Variants in TRAF3IP1 observed in about 807,000 individuals in gnomAD.
TRAF3IP1 encodes the protein TRAF3-interacting protein 1.
A neutral mutation model predicts 89.9 loss-of-function variants in TRAF3IP1; 53 were observed. The observed-to-expected ratio is 0.59, with a 90% CI of 0.47 to 0.74. The LOEUF (loss-of-function observed/expected upper bound fraction) is 0.74. TRAF3IP1 is among the 30% of genes least tolerant of loss of function. The probability of loss-of-function intolerance (pLI) is 0.00; values close to 1 mark genes in which losing one functional copy is unlikely to be tolerated. For missense variants in TRAF3IP1, 806 were observed against 866.1 expected (o/e 0.93, Z 0.87); for synonymous variants, 311 against 322.1 (o/e 0.97, Z 0.37).
Position 238,389,429 on chromosome 2 carries a change from A to T in TRAF3IP1, c.1690-8030A>T, listed in dbSNP as rs1700907019. On this transcript the variant is annotated intron_variant, in intron 15 of 16. Transcript: ENST00000373327. ...TCTATTATTTCCATCTTCATTTTTT[A>T]AATTTTATTTTAAGATATTTTAAAA... Among the ~76,000 whole-genome samples the T allele has an allele frequency of 2.0e-5, 3 of 147,968 alleles. No homozygotes were observed. The South Asian group carries it at 6.4e-4, about 32-fold the overall frequency.
In TRAF3IP1 at chr2:238,329,036, G is replaced by C; in HGVS notation, c.609G>C (p.Lys203Asn). The change falls in exon 5 of 17, where the codon AAG becomes AAC. Residue 203 changes from lysine to asparagine, a missense_variant. Around this residue, in one of 3 missense-constraint regions of TRAF3IP1, gnomAD observed 732 missense variants for 780.5 expected, o/e 0.94. Coordinates refer to ENST00000373327, the MANE Select transcript of TRAF3IP1 (RefSeq NM_015650.4). ...GAGAAAAGGACAAGGACAAGGAGAA[G>C]GCCAAGGAGAATGGCGGAAACAGAC... ...KPREKDKDKEKAKENGGNRHR... is the reference protein window; with the variant it reads ...KPREKDKDKENAKENGGNRHR... The C allele has an allele frequency of 6.4e-7, 1 of 1,551,726 alleles. No individual in the cohort carries two copies. The highest frequency in any genetic ancestry group is 8.7e-7 in the Non-Finnish European group (1 of 1,147,082).
intron 15 of TRAF3IP1, among the ~76,000 whole-genome samples, chr2:238,357,524 CTG>C (rs892684669): frequency 9.2e-5 from 14 of 152,288 alleles, no homozygotes; most frequent in African/African-American, 3.1e-4. Context: ...CCAATGAGAA[CTG>C]TGCAATTGAG....
intron 14 of TRAF3IP1, among the ~76,000 whole-genome samples, chr2:238,353,536 T>C (rs1024957325): frequency 2.6e-5 from 4 of 152,142 alleles, no homozygotes; most frequent in African/African-American, 9.7e-5. Context: ...CCTTTGCAAG[T>C]CTAGTTCTGG....
intron 15 of TRAF3IP1, among the ~76,000 whole-genome samples, chr2:238,369,743 C>G (rs1380595373): frequency 6.6e-6 from 1 of 152,188 alleles, no homozygotes; most frequent in East Asian, 1.9e-4. Context: ...TCAAGCCGCT[C>G]CTTTTCTCTT....
chr2:238,347,341 T>C, intron 9 of TRAF3IP1, 114 bp from the exon 10 acceptor site: 1 of 1,090,410 alleles, frequency 9.2e-7, no homozygotes. Context: ...CTTTTTTTCT[T>C]AGCAGACATC....
At position 238,334,351 on chromosome 2, in the gene TRAF3IP1, T is replaced by G. The variant is rs1290557033; in HGVS notation, c.1063+316T>G. Among the ~76,000 whole-genome samples, 4 of 152,268 alleles carry G rather than the reference T, an allele frequency of 2.6e-5. No homozygotes were observed. The East Asian group carries it at 7.7e-4, about 29-fold the overall frequency. ...TCAGCCATCTTCATTTCAGTAGTTC[T>G]GTCCTTTGCGTTGGCAGTCTGCATT... On this transcript the variant is annotated intron_variant, in intron 7 of 16. Coordinates refer to ENST00000373327, the MANE Select transcript of TRAF3IP1 (RefSeq NM_015650.4).
chr2:238,335,702 A>T (rs894422056), intron 7 of TRAF3IP1, among the ~76,000 whole-genome samples: 7 of 152,056 alleles, frequency 4.6e-5, no homozygotes, highest in Non-Finnish European at 8.8e-5. Context: ...TTCTGAGAAC[A>T]CGTTGCGTGT....
intron 15 of TRAF3IP1, among the ~76,000 whole-genome samples, chr2:238,388,452 G>A (rs1029429698): frequency 5.3e-5 from 8 of 151,560 alleles, no homozygotes; most frequent in African/African-American, 1.9e-4. Context: ...ACCTACATTC[G>A]AGATGAACAT....
At position 238,326,908 on chromosome 2, in the gene TRAF3IP1, G is replaced by A. The variant is rs757556526; in HGVS notation, c.354+938G>A. On this transcript the variant is annotated intron_variant, in intron 3 of 16. Coordinates refer to ENST00000373327, the MANE Select transcript of TRAF3IP1 (RefSeq NM_015650.4). ...GGAAGCAGATCTTGCCAGTACACTG[G>A]CCTCTGTCCCTAGGCTCCCCAGCTC... Among the ~76,000 whole-genome samples, 7 of 152,136 alleles carry A rather than the reference G, an allele frequency of 4.6e-5. No individual in the cohort carries two copies. The East Asian group carries it at 1.2e-3, about 25-fold the overall frequency.
intron 15 of TRAF3IP1, among the ~76,000 whole-genome samples, chr2:238,358,681 G>A (rs1398963241): frequency 2.0e-5 from 3 of 152,230 alleles, no homozygotes; most frequent in Admixed American, 1.3e-4. Context: ...TCACCCTCGT[G>A]TTGATCTGTT....
intron 15 of TRAF3IP1, among the ~76,000 whole-genome samples, chr2:238,376,755 T>C (rs74773282): frequency 0.014 from 2,152 of 152,380 alleles, 16 homozygotes; most frequent in Non-Finnish European, 0.022. Context: ...TGCTGGTAGA[T>C]AGTAATGCTG....
chr2:238,394,783 C>CTGAA, intron 15 of TRAF3IP1, among the ~76,000 whole-genome samples: 1 of 152,330 alleles, frequency 6.6e-6, no homozygotes, highest in African/African-American at 2.4e-5. Flanking sequence ...GAACTAGGAT[C>CTGAA]TTCATACATA....
intron 15 of TRAF3IP1, among the ~76,000 whole-genome samples, chr2:238,381,961 G>A (rs1191085342): frequency 6.6e-6 from 1 of 152,162 alleles, no homozygotes; most frequent in East Asian, 1.9e-4. Flanking sequence ...GTCAAGGAGG[G>A]ACTGTTACAG....
At chr2:238,340,465 T>G (rs1283473629) in intron 8 of TRAF3IP1, among the ~76,000 whole-genome samples, 1 of 152,180 alleles carries the variant, frequency 6.6e-6, no homozygotes, top group Non-Finnish European at 1.5e-5. Flanking sequence ...TTGTGGGTTT[T>G]ATTGTTACCA....
Position 238,329,187 on chromosome 2 carries a change from GA to G in TRAF3IP1, c.761del (p.Glu254GlyfsTer9). On this transcript the variant is annotated frameshift_variant, in exon 5 of 17. Transcript: ENST00000373327. LOFTEE classifies it high-confidence loss of function. Reference sequence around the variant, plus strand: ...CAAGAAGGAGACAGAGAGAAAGAGTGAGGGGGGGAAAGAGAAGGAGAGACTG... The same window carrying G: ...CAAGAAGGAGACAGAGAGAAAGAGTGGGGGGGGAAAGAGAAGGAGAGACTG... ...ERKKETERKS[E>X]GGKEKERLRD... is the part of the protein sequence containing the mutation. The G allele has an allele frequency of 2.6e-6, 4 of 1,567,962 alleles. No homozygotes were observed. Among genetic ancestry groups the G allele is most frequent in the Non-Finnish European group, 3.4e-6 (4 of 1,159,650 alleles).
chr2:238,380,690 C>T (rs1016380879), intron 15 of TRAF3IP1, among the ~76,000 whole-genome samples: 9 of 152,176 alleles, frequency 5.9e-5, no homozygotes, highest in Non-Finnish European at 1.3e-4. Context: ...CCCCCGGCCC[C>T]AAGGTGAGAT....
rs143403635 is a variant in TRAF3IP1 at position 238,349,221 on chromosome 2, A to T, written c.1368-104A>T. ...GCGTGTCCTAACCAGCACATTGATT[A>T]TGGCTTGGAGATGAGAGTTAACATT... is the stretch of plus-strand genomic sequence containing the variant. On this transcript the variant is annotated intron_variant, in intron 11 of 16. Transcript: ENST00000373327. The T allele has an allele frequency of 7.3e-6, 8 of 1,097,746 alleles. No individual in the cohort carries two copies. The East Asian group carries it at 2.1e-4, about 28-fold the overall frequency. 68.0% of individuals were successfully genotyped at this position (1,097,746 alleles called of 1,614,324 possible). A position where few individuals can be genotyped will look rare whatever the true frequency, so the allele number is the denominator to read the frequency against.
At chr2:238,381,787 C>T (rs562838287) in intron 15 of TRAF3IP1, among the ~76,000 whole-genome samples, 2 of 152,254 alleles carry the variant, frequency 1.3e-5, no homozygotes, top group Admixed American at 6.5e-5. Flanking sequence ...GAAAGCTCAT[C>T]GTGGGCATGG....
chr2:238,397,545 C>G lies in TRAF3IP1; in HGVS notation c.1776C>G (p.Thr592=), dbSNP rs1296073005. Residue 592 remains threonine, a synonymous_variant, in exon 16 of 17, where the codon ACC becomes ACG. Coordinates refer to ENST00000373327, the MANE Select transcript of TRAF3IP1 (RefSeq NM_015650.4). ...EIEKLRTSIQ[T]LCKSALPLGK... ...AGAAGCTCCGCACGTCCATCCAGACCCTGTGCAAGAGCGCACTTCCCCTGG... is the reference window on the plus strand; with the variant it reads ...AGAAGCTCCGCACGTCCATCCAGACGCTGTGCAAGAGCGCACTTCCCCTGG... 6.2e-7 allele frequency: 1 copy of G among 1,613,094 alleles called. No individual in the cohort carries two copies. The highest frequency in any genetic ancestry group is 2.2e-5 in the East Asian group (1 of 44,888).
Sources: gnomAD v4.1 joint callset for allele counts (sites outside exome capture counted in the v4.1 genomes callset) on GRCh38, gnomAD v4.1.1 for gene constraint, gnomAD v4.1.1 regional missense constraint, MANE v1.5 for transcripts, NCBI Gene and HGNC (gene_info 2026-07-23, HGNC 2026-07-21) for gene names.